The following FBXW9 variants were observed in gnomAD, a reference collection of about 807,000 sequenced individuals.
FBXW9 encodes the protein F-box/WD repeat-containing protein 9.
FBXW9 carries 38 observed loss-of-function variants against 55.8 expected under a neutral mutation model. The ratio of observed to expected loss-of-function variants is 0.68; its 90% CI spans 0.53 to 0.89. The LOEUF (loss-of-function observed/expected upper bound fraction) is 0.89, where lower values mean the gene tolerates loss of function less well. FBXW9 is among the 40% of genes least tolerant of loss of function. FBXW9 has a pLI of 0.00. For missense variants in FBXW9, 590 were observed against 619.4 expected, an observed-to-expected ratio of 0.95 and a Z score of 0.50; for synonymous variants, 289 against 278.2, an observed-to-expected ratio of 1.04 and a Z score of -0.38.
At position 12,691,410 on chromosome 19, in the gene FBXW9, G is replaced by A. The variant is rs750045409; in HGVS notation, c.723C>T (p.Ser241=). Residue 241 remains serine (S), a synonymous_variant, in exon 4 of 10, where the codon TCC becomes TCT. Transcript: ENST00000393261. ...GCTTCACTGTGCTGTCCCAGGAGCC[G>A]GAGCACACGCGGTGGTCCTGCGCTG... ...SLAAQDHRVC[S]GSWDSTVKLW... is the part of the protein sequence containing the mutation. 1.7e-5 allele frequency: 28 copies of A among 1,607,540 alleles called. No individual in the cohort carries two copies. Among genetic ancestry groups the A allele is most frequent in the African/African-American group, 2.7e-5 (2 of 74,696 alleles).
At position 12,694,576 on chromosome 19, in the gene FBXW9, C is replaced by T; in HGVS notation, c.678+18G>A. On this transcript the variant is annotated intron_variant, in intron 3 of 9. Coordinates refer to ENST00000393261, the MANE Select transcript of FBXW9 (RefSeq NM_032301.3). ...CCTACTCAGGCCTCATACCTCCTAT[C>T]CCCACCTGACTCCTCACCTCATGGG... The T allele has an allele frequency of 6.2e-7, 1 of 1,611,734 alleles. No individual in the cohort carries two copies. The highest frequency in any genetic ancestry group is 8.5e-7 in the Non-Finnish European group (1 of 1,178,110).
In FBXW9 at chr19:12,689,944, C is replaced by A. The variant is rs1277331737; in HGVS notation, c.1032+18G>T. ...CTGCAACAGTCCCCATCCCTCCAGGCCCCTGGGGAGGGCCCACCTGCAGAC... is the reference window on the plus strand; with the variant it reads ...CTGCAACAGTCCCCATCCCTCCAGGACCCTGGGGAGGGCCCACCTGCAGAC... On this transcript the variant is annotated intron_variant, in intron 6 of 9. Transcript: ENST00000393261. The surrounding 1 kb of genome is among the most constrained non-coding windows in gnomAD (Gnocchi z 5.9). 5 of 1,612,946 alleles carry A rather than the reference C, an allele frequency of 3.1e-6. No homozygotes were observed. The highest frequency in any genetic ancestry group is 2.2e-5 in the East Asian group (1 of 44,878).
At position 12,696,156 on chromosome 19, in the gene FBXW9, C is replaced by G; in HGVS notation, c.409+17G>C. The G allele has an allele frequency of 6.7e-7, 1 of 1,503,072 alleles. No individual in the cohort carries two copies. The highest frequency in any genetic ancestry group is 1.3e-5 in the South Asian group (1 of 79,324). 93.1% of individuals were successfully genotyped at this position (1,503,072 alleles called of 1,614,324 possible). A position where few individuals can be genotyped will look rare whatever the true frequency, so the allele number is the denominator to read the frequency against. On this transcript the variant is annotated intron_variant, in intron 1 of 9. Transcript: ENST00000393261. ...GGCGCCCCCGGCCCCCGGTCCCCGG[C>G]CCCCGGCCCCGCGCACCTTCCACCA...
At position 12,689,891 on chromosome 19, in the gene FBXW9, G is replaced by A; in HGVS notation, c.1033-17C>T. ...GGAGTCCAGCTACGAGAGGGACAAG[G>A]GACGGGACAGCTCAGGCCGGGCTGG... is the stretch of plus-strand genomic sequence containing the variant. On this transcript the variant is annotated splice_polypyrimidine_tract_variant and intron_variant, in intron 6 of 9. Transcript: ENST00000393261. This position sits in a 1 kb window ranked among gnomAD's most constrained non-coding sequence, Gnocchi z 5.9. The A allele has an allele frequency of 6.2e-7, 1 of 1,613,394 alleles. No individual in the cohort carries two copies.
At chr19:12,695,205 T>A (rs189969354) in intron 1 of FBXW9, among the ~76,000 whole-genome samples, 48 of 152,116 alleles carry the variant, frequency 3.2e-4, no homozygotes, top group African/African-American at 1.2e-3. Flanking sequence ...CCAGGCGCCA[T>A]CCCCCAACCC....
chr19:12,696,080 C>A, intron 1 of FBXW9, 93 bp downstream of exon 1: 1 of 1,241,950 alleles, frequency 8.1e-7, no homozygotes, highest in Non-Finnish European at 1.1e-6. Flanking sequence ...CCAGAGGCTG[C>A]ATCCGGAACA....
intron 5 of FBXW9, 45 bp from the exon 6 acceptor site, chr19:12,690,155 G>A (rs751442908): frequency 8.7e-6 from 14 of 1,610,648 alleles, no homozygotes; most frequent in South Asian, 3.3e-5. Context: ...AGAGCCCCTC[G>A]AAGGCCCCCC....
chr19:12,689,190 C>T lies in FBXW9; in HGVS notation c.*26G>A. The T allele has an allele frequency of 6.6e-7, 1 of 1,521,130 alleles. No homozygotes were observed. The highest frequency in any genetic ancestry group is 9.1e-7 in the Non-Finnish European group (1 of 1,095,294). The allele number at this position is 1,521,130 out of a possible 1,614,324, so 94.2% of individuals were successfully genotyped here. A position where few individuals can be genotyped will look rare whatever the true frequency, so the allele number is the denominator to read the frequency against. ...AGGAGGAAGCCCAGCCTCCGGCAGG[C>T]AGTATCCACATCCACGCCCACCTGC... On this transcript the variant is annotated 3_prime_UTR_variant, in exon 10 of 10. Coordinates refer to ENST00000393261, the MANE Select transcript of FBXW9 (RefSeq NM_032301.3). This position sits in a 1 kb window ranked among gnomAD's most constrained non-coding sequence, Gnocchi z 5.9.
At position 12,689,821 on chromosome 19, in the gene FBXW9, A is replaced by T; in HGVS notation, c.1086T>A (p.Gly362=). 1 of 1,614,140 alleles carries T rather than the reference A, an allele frequency of 6.2e-7. No homozygotes were observed. The highest frequency in any genetic ancestry group is 8.5e-7 in the Non-Finnish European group (1 of 1,180,022). Residue 362 remains glycine (G), a synonymous_variant, in exon 7 of 10, where the codon GGT becomes GGA. Coordinates refer to ENST00000393261, the MANE Select transcript of FBXW9 (RefSeq NM_032301.3). The surrounding 1 kb of genome is among the most constrained non-coding windows in gnomAD (Gnocchi z 5.9). ...MSYQEPQLWA[G]DNQGLLHVFA... ...AGACGTGCAGCAGGCCCTGGTTGTC[A>T]CCAGCCCAGAGCTGGGGTTCCTGGT... is the stretch of plus-strand genomic sequence containing the variant.
chr19:12,692,641 C>G (rs2025023038), intron 3 of FBXW9, among the ~76,000 whole-genome samples: 1 of 152,068 alleles, frequency 6.6e-6, no homozygotes, highest in Non-Finnish European at 1.5e-5. Flanking sequence ...CCTGCCTCGG[C>G]CTCCCGAGTC....
chr19:12,693,296 T>C (rs961475174), intron 3 of FBXW9, among the ~76,000 whole-genome samples: 2 of 151,316 alleles, frequency 1.3e-5, no homozygotes, highest in South Asian at 4.2e-4. Flanking sequence ...CCAAGGGTAG[T>C]CTCATAACTG....
intron 3 of FBXW9, among the ~76,000 whole-genome samples, chr19:12,694,143 C>A (rs1403365140): frequency 6.7e-6 from 1 of 149,312 alleles, no homozygotes; most frequent in East Asian, 2.0e-4. Context: ...TCACTACACT[C>A]CAGCCTAGCA....
chr19:12,693,028 T>A (rs759606999), intron 3 of FBXW9, among the ~76,000 whole-genome samples: 1 of 152,176 alleles, frequency 6.6e-6, no homozygotes, highest in Non-Finnish European at 1.5e-5. Flanking sequence ...GAATGCTGAC[T>A]TTTTGCCCAC....
chr19:12,691,113 C>T, intron 5 of FBXW9, 53 bp downstream of exon 5: 1 of 1,475,228 alleles, frequency 6.8e-7, no homozygotes. Context: ...GCCCCAGTGT[C>T]TCCTTCCCTA....
chr19:12,690,276 C>T, intron 5 of FBXW9, 166 bp from the exon 6 acceptor site: 1 of 1,210,512 alleles, frequency 8.3e-7, no homozygotes, highest in Non-Finnish European at 1.2e-6. Context: ...TCAGGTAAAT[C>T]CAGGCTTCCA....
rs2025053678 is a variant in FBXW9 at position 12,694,739 on chromosome 19, G to A, written c.550-17C>T. On this transcript the variant is annotated splice_polypyrimidine_tract_variant and intron_variant, in intron 2 of 9. Transcript: ENST00000393261. ...TGACCCACCCTGGAAAGGGAGCAAG[G>A]TGATGTTGTCAGGGCCACCCTGGCC... 6.2e-7 allele frequency: 1 copy of A among 1,614,078 alleles called. No homozygotes were observed. The highest frequency in any genetic ancestry group is 8.5e-7 in the Non-Finnish European group (1 of 1,180,032).
rs573776857 is a variant in FBXW9 at position 12,691,094 on chromosome 19, G to C, written c.883+72C>G. The stretch of plus-strand genomic sequence containing the variant: ...GGTTAAGTGACTATGACCCCAGCCA[G>C]GCTGTGAAGCCCCAGTGTCTCCTTC... On this transcript the variant is annotated intron_variant, in intron 5 of 9. Transcript: ENST00000393261. 3.8e-6 allele frequency: 5 copies of C among 1,309,554 alleles called. No individual in the cohort carries two copies. In the South Asian group the frequency reaches 5.9e-5, roughly 16 times the overall value. 81.1% of individuals were successfully genotyped at this position (1,309,554 alleles called of 1,614,324 possible).
At chr19:12,696,110 G>A (rs2025066220) in intron 1 of FBXW9, 63 bp downstream of exon 1, 3 of 1,441,060 alleles carry the variant, frequency 2.1e-6, no homozygotes, top group African/African-American at 1.5e-5. Context: ...CCTCTTCCCC[G>A]CCCCAAGCCT....
chr19:12,692,621 A>C, intron 3 of FBXW9, among the ~76,000 whole-genome samples: 1 of 151,226 alleles, frequency 6.6e-6, no homozygotes, highest in East Asian at 1.9e-4. Flanking sequence ...TCCCGGGTTC[A>C]TGCCATTCTC....
Sources: gnomAD v4.1 joint callset for allele counts (sites outside exome capture counted in the v4.1 genomes callset) on GRCh38, gnomAD v4.1.1 for gene constraint, Gnocchi (gnomAD v3.1) non-coding constraint, MANE v1.5 for transcripts, NCBI Gene and HGNC (gene_info 2026-07-23, HGNC 2026-07-21) for gene names.